The following ROCK1 variants were observed in gnomAD, a reference collection of about 807,000 sequenced individuals.
The protein encoded by ROCK1 is rho-associated protein kinase 1.
A neutral mutation model predicts 196.8 loss-of-function variants in ROCK1; 36 were observed. The ratio of observed to expected loss-of-function variants is 0.18; its 90% CI spans 0.14 to 0.24. The LOEUF is 0.24. Ranked by LOEUF, ROCK1 falls within the 10% of genes least tolerant of loss-of-function variation. The pLI is 1.00. For missense variants in ROCK1, 920 were observed against 1,562.0 expected (o/e 0.59, Z 6.93); for synonymous variants, 443 against 515.9 (o/e 0.86, Z 1.91).
rs1311279795 is a variant in ROCK1, at chr18:20,947,406, A to G, written c.*3978T>C. On this transcript the variant is annotated 3_prime_UTR_variant, in exon 33 of 33. Coordinates refer to ENST00000399799, the MANE Select transcript of ROCK1 (RefSeq NM_005406.3). ...TAAGCATAGATCTTGTCCAGAAAAA[A>G]AACACTAAAAGCATAAAAGATTTGG... 1.3e-5 allele frequency: 2 copies of G among 152,340 alleles called. No homozygotes were observed. The highest frequency in any genetic ancestry group is 3.9e-4 in the East Asian group (2 of 5,180). 9.4% of individuals were successfully genotyped at this position (152,340 alleles called of 1,614,324 possible). A position where few individuals can be genotyped will look rare whatever the true frequency, so the allele number is the denominator to read the frequency against.
At position 21,023,641 on chromosome 18, in the gene ROCK1, G is replaced by A; in HGVS notation, c.1251C>T (p.Ser417=). 6.3e-7 allele frequency: 1 copy of A among 1,576,366 alleles called. No homozygotes were observed. Among genetic ancestry groups the A allele is most frequent in the South Asian group, 1.2e-5 (1 of 85,090 alleles). ...CTACCAAGCTTTTATCTGCATTGGA[G>A]CTAGTTCTGTTATCATTAGGATTTG... The part of the protein sequence containing the change: ...SSANPNDNRT[S]SNADKSLQES... The change falls in exon 11 of 33, where the codon AGC becomes AGT. Residue 417 remains serine (S), a synonymous_variant. Transcript: ENST00000399799.
intron 10 of ROCK1, among the ~76,000 whole-genome samples, chr18:21,028,234 G>A (rs2035977465): frequency 6.6e-6 from 1 of 150,900 alleles, no homozygotes; most frequent in Non-Finnish European, 1.5e-5. Context: ...TGGCCAACAT[G>A]GTGAAACCAC....
intron 22 of ROCK1, among the ~76,000 whole-genome samples, chr18:20,978,806 T>C (rs777361069): frequency 3.9e-5 from 6 of 152,204 alleles, no homozygotes; most frequent in Non-Finnish European, 8.8e-5. Flanking sequence ...TGGGATATAG[T>C]GGGCTTCTGA....
chr18:20,973,179 T>A (rs1450071259), intron 22 of ROCK1, among the ~76,000 whole-genome samples: 2 of 150,802 alleles, frequency 1.3e-5, no homozygotes, highest in African/African-American at 4.9e-5. Flanking sequence ...ACGCCCGGTG[T>A]AAGAGGGTTG....
At chr18:21,034,573 G>A (rs2036040601) in intron 9 of ROCK1, among the ~76,000 whole-genome samples, 1 of 152,122 alleles carries the variant, frequency 6.6e-6, no homozygotes, top group African/African-American at 2.4e-5. Flanking sequence ...AACACATAGT[G>A]TTAGGAAAAC....
chr18:21,053,578 G>A (rs767356621), intron 2 of ROCK1, among the ~76,000 whole-genome samples: 3 of 152,186 alleles, frequency 2.0e-5, no homozygotes, highest in Non-Finnish European at 2.9e-5. Flanking sequence ...GCTCACACCT[G>A]TAATCCCAGT....
chr18:21,009,304 C>T (rs1334971983), intron 13 of ROCK1, among the ~76,000 whole-genome samples: 1 of 150,664 alleles, frequency 6.6e-6, no homozygotes, highest in South Asian at 2.1e-4. Flanking sequence ...TGAGTCACCG[C>T]GCCTGGCCAA....
At chr18:21,099,733 A>T (rs1211563673) in intron 1 of ROCK1, among the ~76,000 whole-genome samples, 1 of 152,186 alleles carries the variant, frequency 6.6e-6, no homozygotes, top group African/African-American at 2.4e-5. Flanking sequence ...GGACAGAGCA[A>T]GACCCTGTCT....
At chr18:21,025,290 C>T (rs1418416313) in intron 10 of ROCK1, among the ~76,000 whole-genome samples, 1 of 152,138 alleles carries the variant, frequency 6.6e-6, no homozygotes, top group East Asian at 1.9e-4. Flanking sequence ...TTTAATTCAG[C>T]TATAATTAAG....
chr18:20,980,109 CTCTCAAGTATTTACCCA>C, intron 21 of ROCK1, 105 bp from the exon 22 acceptor site: 2 of 1,301,870 alleles, frequency 1.5e-6, no homozygotes, highest in Non-Finnish European at 2.0e-6. Flanking sequence ...AACAATTCCA[CTCTCAAGTATTTACCCA>C]TGACAAATGC....
chr18:20,995,393 T>C (rs1598521409), intron 16 of ROCK1, among the ~76,000 whole-genome samples: 1 of 152,154 alleles, frequency 6.6e-6, no homozygotes, highest in African/African-American at 2.4e-5. Context: ...TGAACAACCA[T>C]TCGCACAGAA....
Position 21,039,459 on chromosome 18 carries a change from A to G in ROCK1, c.1051+13T>C. On this transcript the variant is annotated intron_variant, in intron 9 of 32. Coordinates refer to ENST00000399799, the MANE Select transcript of ROCK1 (RefSeq NM_005406.3). Reference sequence around the variant, plus strand: ...AATATTCACTAAAATATGAAAGAAAAAAAAAAACTTACTGTCTCGGAGCGT... The same window carrying G: ...AATATTCACTAAAATATGAAAGAAAGAAAAAAACTTACTGTCTCGGAGCGT... The G allele has an allele frequency of 1.9e-6, 3 of 1,589,316 alleles. No homozygotes were observed. Among genetic ancestry groups the G allele is most frequent in the Non-Finnish European group, 2.6e-6 (3 of 1,166,836 alleles).
chr18:21,051,702 T>C (rs116130004), intron 2 of ROCK1, among the ~76,000 whole-genome samples: 3,422 of 152,206 alleles, frequency 0.022, 137 homozygotes, highest in African/African-American at 0.079. Context: ...GCTCTCTACA[T>C]GAAATAGATC....
intron 10 of ROCK1, among the ~76,000 whole-genome samples, chr18:21,026,445 GAAAAAAAAAAAA>G (rs747563785): frequency 3.1e-4 from 11 of 35,308 alleles, no homozygotes; most frequent in South Asian, 8.6e-4. Context: ...ACTCTGTCTC[GAAAAAAAAAAAA>G]AAAAAAAAAA....
rs574158259 is a variant in ROCK1 at position 20,949,431 on chromosome 18, G to A, written c.*1953C>T. On this transcript the variant is annotated 3_prime_UTR_variant, in exon 33 of 33. Transcript: ENST00000399799. ...GTTCCCTTTGCCCTCCAAGCCCCAT[G>A]TGGGCAATGCAGAGTGGCCCAGGTG... The A allele has an allele frequency of 6.5e-6, 1 of 152,746 alleles. No homozygotes were observed. Among genetic ancestry groups the A allele is most frequent in the Admixed American group, 6.5e-5 (1 of 15,316 alleles). The allele number at this position is 152,746 out of a possible 1,614,324, so 9.5% of individuals were successfully genotyped here.
chr18:20,952,383 A>AAACGAATGAATG (rs1555742434), intron 32 of ROCK1, among the ~76,000 whole-genome samples: 2 of 147,466 alleles, frequency 1.4e-5, no homozygotes, highest in East Asian at 4.1e-4. Flanking sequence ...CTCTGTCTCA[A>AAACGAATGAATG]AATGAATGAA....
rs35001699 is a variant in ROCK1 at position 20,965,404 on chromosome 18, T to TATACATAC, written c.3352+1505_3352+1512dup. ...TGTTTCATACATACATACATACATATATACATACATACATACATACATACA... is the reference window on the plus strand; with the variant it reads ...TGTTTCATACATACATACATACATATATACATACATACATACATACATACATACATACA... On this transcript the variant is annotated intron_variant, in intron 27 of 32. Transcript: ENST00000399799. 5.0e-3 allele frequency among the ~76,000 whole-genome samples: 732 copies of TATACATAC among 146,810 alleles called. 2 individuals carry two copies. The highest frequency in any genetic ancestry group is 0.01 in the Admixed American group (151 of 14,634).
intron 1 of ROCK1, among the ~76,000 whole-genome samples, chr18:21,093,307 C>T (rs190094486): frequency 2.6e-5 from 4 of 152,158 alleles, no homozygotes; most frequent in African/African-American, 9.7e-5. Context: ...TTTGCAAAAC[C>T]TTTGGGGCCA....
intron 17 of ROCK1, 67 bp downstream of exon 17, chr18:20,992,764 C>A: frequency 2.2e-6 from 2 of 897,200 alleles, no homozygotes; most frequent in South Asian, 1.7e-5. Flanking sequence ...TTTATAAAAC[C>A]ACCTAGTAGT....
Sources: gnomAD v4.1 joint callset for allele counts (sites outside exome capture counted in the v4.1 genomes callset) on GRCh38, gnomAD v4.1.1 for gene constraint, MANE v1.5 for transcripts, NCBI Gene and HGNC (gene_info 2026-07-23, HGNC 2026-07-21) for gene names.